Variants in PDE7B observed in about 807,000 individuals in gnomAD.
The protein encoded by PDE7B is phosphodiesterase 7B.
PDE7B carries 29 observed loss-of-function variants against 56.2 expected under a neutral mutation model. The observed-to-expected ratio is 0.52, with a 90% CI of 0.38 to 0.70. PDE7B has a LOEUF of 0.70. Ranked by LOEUF, PDE7B falls within the 30% of genes least tolerant of loss-of-function variation. The pLI is 0.00. For synonymous variants in PDE7B, 197 were observed against 196.9 expected, an observed-to-expected ratio of 1.00 and a Z score of 0.00; for missense variants, 490 against 565.0, an observed-to-expected ratio of 0.87 and a Z score of 1.35.
intron 1 of PDE7B, among the ~76,000 whole-genome samples, chr6:135,865,230 G>A (rs17246678): frequency 0.052 from 7,920 of 152,028 alleles, 285 homozygotes; most frequent in Non-Finnish European, 0.077. Flanking sequence ...ATGTATGTTC[G>A]AGTTTTGAAT....
intron 2 of PDE7B, among the ~76,000 whole-genome samples, chr6:136,007,760 A>T (rs887340764): frequency 1.3e-5 from 2 of 151,374 alleles, no homozygotes; most frequent in Non-Finnish European, 2.9e-5. Context: ...GTGTGCATAG[A>T]GGTGTTCATA....
chr6:136,060,914 C>T (rs1420770770), intron 2 of PDE7B, among the ~76,000 whole-genome samples: 1 of 152,140 alleles, frequency 6.6e-6, no homozygotes, highest in African/African-American at 2.4e-5. Flanking sequence ...ATTGGCTGCT[C>T]TCTCAGTGAA....
chr6:136,051,385 C>G (rs920090072), intron 2 of PDE7B, among the ~76,000 whole-genome samples: 1 of 152,208 alleles, frequency 6.6e-6, no homozygotes, highest in African/African-American at 2.4e-5. Flanking sequence ...CGAGCATCCG[C>G]GAGTTCTTGA....
At chr6:135,912,005 G>A (rs1776219886) in intron 1 of PDE7B, among the ~76,000 whole-genome samples, 1 of 152,172 alleles carries the variant, frequency 6.6e-6, no homozygotes, top group Non-Finnish European at 1.5e-5. Context: ...GAAGCCAGGA[G>A]TTCTAGAGCT....
chr6:136,154,433 AC>A (rs1778574239), intron 7 of PDE7B, among the ~76,000 whole-genome samples: 1 of 141,812 alleles, frequency 7.1e-6, no homozygotes, highest in Admixed American at 7.1e-5. Context: ...AAAAAAAAAA[AC>A]TTCCTCTCTA....
At chr6:136,179,391 A>G (rs1779027823) in intron 10 of PDE7B, among the ~76,000 whole-genome samples, 1 of 152,174 alleles carries the variant, frequency 6.6e-6, no homozygotes, top group Non-Finnish European at 1.5e-5. Context: ...GCCATGATCA[A>G]TAATTTTAGC....
intron 2 of PDE7B, among the ~76,000 whole-genome samples, chr6:135,976,075 A>G (rs1436674894): frequency 6.6e-6 from 1 of 152,086 alleles, no homozygotes; most frequent in Non-Finnish European, 1.5e-5. Context: ...TACCACAGAA[A>G]CCTGTGTAGA....
chr6:135,938,211 A>G (rs572112854), intron 1 of PDE7B, among the ~76,000 whole-genome samples: 10 of 152,296 alleles, frequency 6.6e-5, no homozygotes, highest in African/African-American at 2.4e-4. Context: ...CTCCAACACA[A>G]AGTGTCTATG....
chr6:136,103,171 G>A (rs1048478642), intron 2 of PDE7B, among the ~76,000 whole-genome samples: 3 of 152,160 alleles, frequency 2.0e-5, no homozygotes, highest in Non-Finnish European at 2.9e-5. Context: ...TACTTAGCCA[G>A]TTCAGCACAT....
intron 2 of PDE7B, among the ~76,000 whole-genome samples, chr6:135,967,848 C>A (rs1775023839): frequency 6.6e-6 from 1 of 152,138 alleles, no homozygotes; most frequent in South Asian, 2.1e-4. Flanking sequence ...CCACAAGGGG[C>A]CAGCGCCACT....
Position 135,935,206 on chromosome 6 carries a change from ATATATATATATT to A in PDE7B, c.22-12256_22-12245del, listed in dbSNP as rs1562445506. 8.9e-4 allele frequency among the ~76,000 whole-genome samples: 73 copies of A among 82,100 alleles called. 16 individuals carry two copies. The highest frequency in any genetic ancestry group is 1.7e-3 in the African/African-American group (27 of 16,150). 53.9% of individuals were successfully genotyped at this position (82,100 alleles called of 152,430 possible). A position where few individuals can be genotyped will look rare whatever the true frequency, so the allele number is the denominator to read the frequency against. On this transcript the variant is annotated intron_variant, in intron 1 of 12. Coordinates refer to ENST00000308191, the MANE Select transcript of PDE7B (RefSeq NM_018945.4). ...TATATTTATTTATATATATATATAT[ATATATATATATT>A]TTCATGATTCTTGCTCTCCAGGAAA...
chr6:136,087,017 A>T (rs970430966), intron 2 of PDE7B, among the ~76,000 whole-genome samples: 8 of 152,206 alleles, frequency 5.3e-5, no homozygotes, highest in African/African-American at 1.9e-4. Flanking sequence ...TTTATGTGTC[A>T]AAGTTCTATC....
intron 12 of PDE7B, among the ~76,000 whole-genome samples, chr6:136,188,098 C>A (rs946148978): frequency 6.6e-6 from 1 of 152,044 alleles, no homozygotes; most frequent in African/African-American, 2.4e-5. Context: ...ATTAAGAAAA[C>A]CAGGGTAAGT....
At chr6:135,953,710 A>G (rs992476369) in intron 2 of PDE7B, among the ~76,000 whole-genome samples, 2 of 152,154 alleles carry the variant, frequency 1.3e-5, no homozygotes, top group Non-Finnish European at 2.9e-5. Flanking sequence ...AATTTGGTTC[A>G]AGTGAATAGA....
intron 2 of PDE7B, among the ~76,000 whole-genome samples, chr6:136,070,644 T>C (rs1391040689): frequency 6.6e-6 from 1 of 152,140 alleles, no homozygotes; most frequent in Non-Finnish European, 1.5e-5. Context: ...TAAAAAACAT[T>C]GAAAATTTTT....
At chr6:135,854,400 A>C (rs148402265) in intron 1 of PDE7B, among the ~76,000 whole-genome samples, 1 of 152,248 alleles carries the variant, frequency 6.6e-6, no homozygotes, top group Non-Finnish European at 1.5e-5. Context: ...GTTGGGGTAC[A>C]TAATTGATTG....
At chr6:136,102,137 G>A (rs1488472793) in intron 2 of PDE7B, among the ~76,000 whole-genome samples, 3 of 152,138 alleles carry the variant, frequency 2.0e-5, no homozygotes, top group Non-Finnish European at 4.4e-5. Flanking sequence ...TCAGGACAGT[G>A]GGGATGATAC....
chr6:136,153,906 C>A (rs1562507626), intron 6 of PDE7B, among the ~76,000 whole-genome samples, 169 bp from the exon 7 acceptor site: 2 of 152,150 alleles, frequency 1.3e-5, no homozygotes, highest in African/African-American at 4.8e-5. Context: ...CTAAAAACAG[C>A]CTAGCAGAAC....
intron 2 of PDE7B, among the ~76,000 whole-genome samples, chr6:136,105,738 T>C (rs1413363947): frequency 6.6e-6 from 1 of 152,198 alleles, no homozygotes; most frequent in Non-Finnish European, 1.5e-5. Flanking sequence ...AAAATGTTCG[T>C]CCTGTCAGTA....
Sources: allele counts gnomAD v4.1 joint callset (sites outside exome capture counted in the v4.1 genomes callset), GRCh38; gene constraint gnomAD v4.1.1; transcripts MANE v1.5; gene names NCBI Gene and HGNC (gene_info 2026-07-23, HGNC 2026-07-21).